Variants in CAMTA1 observed in about 807,000 individuals in gnomAD.
CAMTA1 encodes calmodulin-binding transcription activator 1.
Under a neutral mutation model 170.9 loss-of-function variants are expected in CAMTA1, and 27 were observed. That is an observed-to-expected ratio of 0.16 (90% confidence interval 0.12 to 0.22). CAMTA1 has a LOEUF of 0.22. Among genes scored for constraint, CAMTA1 ranks in the 10% least tolerant of loss-of-function variants. The probability of loss-of-function intolerance (pLI) is 1.00; values close to 1 mark genes in which losing one functional copy is unlikely to be tolerated. For synonymous variants in CAMTA1, 833 were observed against 891.5 expected (o/e 0.93, Z 1.17); for missense variants, 1,619 against 2,217.2 (o/e 0.73, Z 5.42).
chr1:7,493,349 A>G (rs559919534), intron 6 of CAMTA1, among the ~76,000 whole-genome samples: 2 of 143,948 alleles, frequency 1.4e-5, no homozygotes, highest in South Asian at 4.4e-4. Context: ...GCACACACAA[A>G]CACAAACATA....
intron 3 of CAMTA1, among the ~76,000 whole-genome samples, chr1:6,896,914 A>C (rs996965513): frequency 6.6e-6 from 1 of 152,188 alleles, no homozygotes; most frequent in Non-Finnish European, 1.5e-5. Context: ...TTATCAGGGC[A>C]TTATTACAGT....
rs1692327014 is a variant in CAMTA1 at position 6,970,476 on chromosome 1, G to A, written c.235-120828G>A. ...ACCAGCATCGGTGAGGAGGTAATGG[G>A]GGTTCTTGCCAGGCCAGGGACTCTC... On this transcript the variant is annotated intron_variant, in intron 3 of 22. Coordinates refer to ENST00000303635, the MANE Select transcript of CAMTA1 (RefSeq NM_015215.4). This position sits in a 1 kb window ranked among gnomAD's most constrained non-coding sequence, Gnocchi z 4.4. 1.3e-5 allele frequency among the ~76,000 whole-genome samples: 2 copies of A among 152,076 alleles called. No individual in the cohort carries two copies. The highest frequency in any genetic ancestry group is 6.5e-5 in the Admixed American group (1 of 15,268).
At chr1:7,183,190 G>A (rs1388300847) in intron 4 of CAMTA1, among the ~76,000 whole-genome samples, 2 of 152,106 alleles carry the variant, frequency 1.3e-5, no homozygotes, top group Non-Finnish European at 2.9e-5. Flanking sequence ...AGTGTCCGAT[G>A]GTGAGAGAGG....
At chr1:7,121,300 C>T (rs1265364972) in intron 4 of CAMTA1, among the ~76,000 whole-genome samples, 1 of 152,138 alleles carries the variant, frequency 6.6e-6, no homozygotes, top group African/African-American at 2.4e-5. Flanking sequence ...CCGTGGGATC[C>T]CAGTAGGGCA....
intron 4 of CAMTA1, among the ~76,000 whole-genome samples, chr1:7,225,027 G>T (rs918226751): frequency 2.0e-5 from 3 of 152,282 alleles, no homozygotes; most frequent in African/African-American, 7.2e-5. Context: ...GGAAGGGGCT[G>T]TAAGGGGCCA....
At chr1:7,703,486 T>G (rs1169474324) in intron 11 of CAMTA1, among the ~76,000 whole-genome samples, 1 of 152,152 alleles carries the variant, frequency 6.6e-6, no homozygotes, top group Non-Finnish European at 1.5e-5. Flanking sequence ...AGGACCCAGC[T>G]TGGTCAGGGT....
chr1:7,057,569 G>T (rs1166637294), intron 3 of CAMTA1, among the ~76,000 whole-genome samples: 1 of 152,152 alleles, frequency 6.6e-6, no homozygotes, highest in Non-Finnish European at 1.5e-5. Flanking sequence ...AAGATGTCCA[G>T]CTGCCCAATG....
intron 3 of CAMTA1, among the ~76,000 whole-genome samples, chr1:6,842,029 C>T (rs1655950751): frequency 6.6e-6 from 1 of 152,200 alleles, no homozygotes; most frequent in East Asian, 1.9e-4. Flanking sequence ...CCAGACTCAG[C>T]GCCATGGTGG....
At chr1:7,091,468 G>T in intron 4 of CAMTA1, 97 bp downstream of exon 4, 4 of 901,404 alleles carry the variant, frequency 4.4e-6, no homozygotes, top group Admixed American at 1.8e-5. Context: ...TGGGCAACGA[G>T]TTGAAAATGC....
chr1:7,763,605 A>C (rs745949473), intron 22 of CAMTA1, among the ~76,000 whole-genome samples: 8 of 152,208 alleles, frequency 5.3e-5, no homozygotes, highest in Non-Finnish European at 7.3e-5. Flanking sequence ...TGCAAAAACA[A>C]ATGTGACCAT....
At chr1:6,989,312 T>C (rs567141070) in intron 3 of CAMTA1, among the ~76,000 whole-genome samples, 20 of 152,338 alleles carry the variant, frequency 1.3e-4, no homozygotes, top group African/African-American at 4.3e-4. Flanking sequence ...ACGGAGAATT[T>C]AGATTAATAA....
chr1:7,760,171 T>C (rs2096963823), intron 22 of CAMTA1, among the ~76,000 whole-genome samples: 1 of 152,212 alleles, frequency 6.6e-6, no homozygotes, highest in African/African-American at 2.4e-5. Flanking sequence ...GAAATAACAC[T>C]TTTTAGTCAC....
chr1:7,712,697 G>A (rs570444051), intron 11 of CAMTA1, among the ~76,000 whole-genome samples: 2 of 152,204 alleles, frequency 1.3e-5, no homozygotes, highest in African/African-American at 4.8e-5. Flanking sequence ...TTAAAACAAG[G>A]ATAGGGAAAT....
intron 4 of CAMTA1, among the ~76,000 whole-genome samples, chr1:7,130,055 G>A (rs1257847246): frequency 6.6e-6 from 1 of 151,884 alleles, no homozygotes; most frequent in East Asian, 1.9e-4. Context: ...TCCCGCCTCA[G>A]CCCCCCAAGT....
intron 4 of CAMTA1, among the ~76,000 whole-genome samples, chr1:7,178,260 A>G (rs79827635): frequency 0.02 from 3,014 of 152,174 alleles, 103 homozygotes; most frequent in African/African-American, 0.068. Context: ...TCTCCCCACC[A>G]TGCTCTATCT....
At chr1:7,257,297 G>A (rs768259283) in intron 5 of CAMTA1, among the ~76,000 whole-genome samples, 5 of 152,054 alleles carry the variant, frequency 3.3e-5, no homozygotes, top group African/African-American at 1.2e-4. Flanking sequence ...AGATACTATT[G>A]TCATCCTCAT....
chr1:6,813,822 C>T (rs961384958), intron 1 of CAMTA1, among the ~76,000 whole-genome samples: 1 of 152,128 alleles, frequency 6.6e-6, no homozygotes, highest in Non-Finnish European at 1.5e-5. Context: ...AGTACCAAGA[C>T]ATAGCAAATC....
intron 11 of CAMTA1, among the ~76,000 whole-genome samples, chr1:7,706,801 T>C (rs1449105331): frequency 6.6e-6 from 1 of 152,196 alleles, no homozygotes; most frequent in East Asian, 1.9e-4. Flanking sequence ...CAGTATTTCA[T>C]GTACTCGTTA....
intron 11 of CAMTA1, among the ~76,000 whole-genome samples, chr1:7,712,390 G>A (rs1479426154): frequency 2.0e-5 from 3 of 151,632 alleles, no homozygotes; most frequent in Non-Finnish European, 4.4e-5. Flanking sequence ...GTGCAATCTC[G>A]GCTCACTGCA....
Sources: allele counts gnomAD v4.1 joint callset (sites outside exome capture counted in the v4.1 genomes callset), GRCh38; gene constraint gnomAD v4.1.1; non-coding constraint Gnocchi (gnomAD v3.1); transcripts MANE v1.5; gene names NCBI Gene and HGNC (gene_info 2026-07-23, HGNC 2026-07-21).